Variants in UNC13D observed in about 807,000 individuals in gnomAD.
UNC13D encodes unc-13 homolog D, also known as protein unc-13 homolog D.
A neutral mutation model predicts 151.7 loss-of-function variants in UNC13D; 115 were observed. That is an observed-to-expected ratio of 0.76 (90% CI 0.65 to 0.88). The LOEUF (loss-of-function observed/expected upper bound fraction) is 0.88. UNC13D is among the 40% of genes least tolerant of loss of function. UNC13D has a pLI of 0.00. For synonymous variants in UNC13D, 588 were observed against 612.2 expected, an observed-to-expected ratio of 0.96 and a Z score of 0.58; for missense variants, 1,369 against 1,438.7, an observed-to-expected ratio of 0.95 and a Z score of 0.78.
rs2064884081 is a variant in UNC13D, at chr17:75,833,192, C to A, written c.2368-147G>T. 2.9e-6 allele frequency: 2 copies of A among 701,086 alleles called. No individual in the cohort carries two copies. The highest frequency in any genetic ancestry group is 2.2e-5 in the Admixed American group (1 of 45,000). 43.4% of individuals were successfully genotyped at this position (701,086 alleles called of 1,614,324 possible). ...TGTCTGTAAGAGGCCGGCCTGCCCA[C>A]CTCTCTGCCTTCCCCTCTCCGTTGC... On this transcript the variant is annotated intron_variant, in intron 24 of 31. Coordinates refer to ENST00000207549, the MANE Select transcript of UNC13D (RefSeq NM_199242.3). This position sits in a 1 kb window ranked among gnomAD's most constrained non-coding sequence, Gnocchi z 4.0.
intron 12 of UNC13D, 120 bp from the exon 13 acceptor site, chr17:75,837,038 C>T (rs559656200): frequency 4.8e-6 from 4 of 836,804 alleles, no homozygotes; most frequent in African/African-American, 3.5e-5. Flanking sequence ...AAACTAGTGG[C>T]TCAACAGGAC....
Position 75,833,573 on chromosome 17 carries a change from CTT to C in UNC13D, c.2367+500_2367+501del, listed in dbSNP as rs911254113. On this transcript the variant is annotated intron_variant, in intron 24 of 31. Transcript: ENST00000207549. The surrounding 1 kb of genome is among the most constrained non-coding windows in gnomAD (Gnocchi z 4.0). ...AGTTATGGATACTCACTATGTAGCTCTTTTTTCACCTCCACTACTAGAACGTG... is the reference window on the plus strand; with the variant it reads ...AGTTATGGATACTCACTATGTAGCTCTTTTCACCTCCACTACTAGAACGTG... Among the ~76,000 whole-genome samples the C allele has an allele frequency of 5.9e-5, 9 of 152,154 alleles. No homozygotes were observed. The highest frequency in any genetic ancestry group is 1.7e-4 in the African/African-American group (7 of 41,438).
At position 75,836,958 on chromosome 17, in the gene UNC13D, G is replaced by A. The variant is rs754182859; in HGVS notation, c.1056-40C>T. The A allele has an allele frequency of 4.4e-6, 7 of 1,586,264 alleles. No homozygotes were observed. The South Asian group carries it at 6.6e-5, about 15-fold the overall frequency. On this transcript the variant is annotated intron_variant, in intron 12 of 31. Transcript: ENST00000207549. ...AAGCCCTCAGCTGGACAGGGAGGAG[G>A]AAATTGCCTTCCCCTGTTCACCCGG...
chr17:75,841,185 C>T (rs1184735792), intron 6 of UNC13D, 184 bp from the exon 7 acceptor site: 12 of 621,748 alleles, frequency 1.9e-5, no homozygotes, highest in African/African-American at 3.9e-5. Flanking sequence ...TTCTGTCCCC[C>T]AGGCTGGAGG....
At position 75,828,788 on chromosome 17, in the gene UNC13D, G is replaced by A. The variant is rs764279026; in HGVS notation, c.3150C>T (p.Asn1050=). The change falls in exon 31 of 32, where the codon AAC becomes AAT. Residue 1050 remains asparagine, a splice_region_variant and synonymous_variant. Transcript: ENST00000207549. ...ACCCTGCCCTGGGCTCAGGCCTACC[G>A]TTGGGTGCGGGGTACGTGAGGGGCA... The part of the protein sequence containing the change: ...TRLPLTYPAP[N]GDPILQLLEG... 5.7e-5 allele frequency: 88 copies of A among 1,538,058 alleles called. No homozygotes were observed. In the South Asian group the frequency reaches 7.9e-4, roughly 14 times the overall value.
At chr17:75,834,833 CT>C in intron 21 of UNC13D, 86 bp downstream of exon 21, 1 of 1,611,392 alleles carries the variant, frequency 6.2e-7, no homozygotes. Flanking sequence ...CCTTGGGAGG[CT>C]GCCTGGGTGA....
chr17:75,828,664 T>C (rs2062140285), intron 31 of UNC13D, 123 bp downstream of exon 31: 2 of 1,116,454 alleles, frequency 1.8e-6, no homozygotes, highest in East Asian at 5.5e-5. Context: ...GGGCCGTGGC[T>C]GTCCCACTGG....
intron 20 of UNC13D, 71 bp downstream of exon 20, chr17:75,835,337 TG>T: frequency 2.5e-6 from 4 of 1,578,458 alleles, no homozygotes; most frequent in Non-Finnish European, 3.4e-6. Context: ...TACTACGCTT[TG>T]GAGGTCCAGG....
Position 75,830,135 on chromosome 17 carries a change from A to G in UNC13D, c.2847T>C (p.Phe949=). The G allele has an allele frequency of 3.1e-6, 5 of 1,590,112 alleles. No homozygotes were observed. Among genetic ancestry groups the G allele is most frequent in the Non-Finnish European group, 4.3e-6 (5 of 1,168,724 alleles). The change falls in exon 30 of 32, where the codon TTT becomes TTC. Residue 949 remains phenylalanine (F), a synonymous_variant. Coordinates refer to ENST00000207549, the MANE Select transcript of UNC13D (RefSeq NM_199242.3). ...GCCTGGGCTCCAAGGTCAGCTGGAC[A>G]AAGGGGTCGCTGGAGCCTGGTAAGT... ...PLDSNGSSDP[F]VQLTLEPRHE...
In UNC13D at chr17:75,827,367, C is replaced by G. The variant is rs892617829; in HGVS notation, c.*598G>C. 11 of 1,295,174 alleles carry G rather than the reference C, an allele frequency of 8.5e-6. No individual in the cohort carries two copies. The highest frequency in any genetic ancestry group is 1.1e-5 in the Non-Finnish European group (11 of 988,212). The allele number at this position is 1,295,174 out of a possible 1,614,324, so 80.2% of individuals were successfully genotyped here. On this transcript the variant is annotated 3_prime_UTR_variant, in exon 32 of 32. Transcript: ENST00000207549. ...CTGCTTCCGTCTGTCTGTGCCAGCC[C>G]TGCCGCCTGCCAGCTCTTGCTCCCT... is the stretch of plus-strand genomic sequence containing the variant.
Position 75,830,128 on chromosome 17 carries a change from G to A in UNC13D, c.2854C>T (p.Leu952=). ...SNGSSDPFVQ[L]TLEPRHEFPE... ...AACTCATGCCTGGGCTCCAAGGTCA[G>A]CTGGACAAAGGGGTCGCTGGAGCCT... Residue 952 remains leucine, a synonymous_variant, in exon 30 of 32, where the codon CTG becomes TTG. Coordinates refer to ENST00000207549, the MANE Select transcript of UNC13D (RefSeq NM_199242.3). 6.3e-7 allele frequency: 1 copy of A among 1,589,586 alleles called. No homozygotes were observed.
At position 75,828,858 on chromosome 17, in the gene UNC13D, C is replaced by A. The variant is rs768608291; in HGVS notation, c.3080G>T (p.Gly1027Val). 4 of 1,594,458 alleles carry A rather than the reference C, an allele frequency of 2.5e-6. No individual in the cohort carries two copies. The South Asian group carries it at 4.5e-5, about 18-fold the overall frequency. The change falls in exon 31 of 32, where the codon GGG becomes GTG. Residue 1027 changes from glycine to valine, a missense_variant. Physicochemically the swap from Gly to Val is moderately radical, Grantham distance 109. This residue lies in a region of UNC13D where 807 missense variants were observed against 795.5 expected (regional missense o/e 1.01). Transcript: ENST00000207549. Reference protein sequence around the residue: ...EAFLPLREVPGLSGSEEPGEV... With the variant: ...EAFLPLREVPVLSGSEEPGEV... ...ACCAGGCTCCTCAGAGCCACTCAGC[C>A]CGGGCACCTCACGCAGCGGCAGGAA...
Position 75,828,834 on chromosome 17 carries a change from C to T in UNC13D, c.3104G>A (p.Gly1035Asp). ...VPGLSGSEEP[G>D]EVPQTRLPLT... is the part of the protein sequence containing the mutation. ...GGGCAGGCGGGTCTGAGGCACCTCA[C>T]CAGGCTCCTCAGAGCCACTCAGCCC... Residue 1035 changes from glycine to aspartate, a missense_variant, in exon 31 of 32, where the codon GGT becomes GAT. Around this residue, in one of 3 missense-constraint regions of UNC13D, gnomAD observed 807 missense variants for 795.5 expected, o/e 1.01. Coordinates refer to ENST00000207549, the MANE Select transcript of UNC13D (RefSeq NM_199242.3). The T allele has an allele frequency of 5.7e-6, 9 of 1,572,662 alleles. No homozygotes were observed. The highest frequency in any genetic ancestry group is 7.7e-6 in the Non-Finnish European group (9 of 1,161,574).
intron 23 of UNC13D, 51 bp from the exon 24 acceptor site, chr17:75,834,194 T>C (rs755281804): frequency 1.2e-6 from 2 of 1,609,226 alleles, no homozygotes; most frequent in South Asian, 2.2e-5. Flanking sequence ...GAGTCGGGGA[T>C]GGAAGAGTTC....
Position 75,832,966 on chromosome 17 carries a change from C to G in UNC13D, c.2447G>C (p.Ser816Thr), listed in dbSNP as rs765060515. Residue 816 changes from serine to threonine, a missense_variant and splice_region_variant, in exon 25 of 32, where the codon AGC becomes ACC. By Grantham distance (58) the Ser-to-Thr change is moderately conservative. Transcript: ENST00000207549. The surrounding 1 kb of genome is among the most constrained non-coding windows in gnomAD (Gnocchi z 4.3). ...GCCCAGGGCAGGGGCTGCTACAGACCTGCTGAAGTTCTCCTGCACCAAGTT... is the reference window on the plus strand; with the variant it reads ...GCCCAGGGCAGGGGCTGCTACAGACGTGCTGAAGTTCTCCTGCACCAAGTT... ...NTNLVQENFS[S>T]LLTLLWTHTL... 1.3e-6 allele frequency: 2 copies of G among 1,580,528 alleles called. No homozygotes were observed. The highest frequency in any genetic ancestry group is 2.3e-5 in the South Asian group (2 of 86,154).
At chr17:75,831,398 G>C in intron 25 of UNC13D, 50 bp from the exon 26 acceptor site, 1 of 1,548,904 alleles carries the variant, frequency 6.5e-7, no homozygotes, top group Non-Finnish European at 8.8e-7. Context: ...GGCGGTGGCG[G>C]AGGAGGAAGC....
chr17:75,830,069 G>C lies in UNC13D; in HGVS notation c.2913C>G (p.His971Gln). The C allele has an allele frequency of 5.1e-6, 8 of 1,577,728 alleles. No homozygotes were observed. The highest frequency in any genetic ancestry group is 6.9e-6 in the Non-Finnish European group (8 of 1,161,506). Residue 971 changes from histidine (H) to glutamine (Q), a missense_variant, in exon 30 of 32, where the codon CAC becomes CAG. This residue lies in a region of UNC13D where 807 missense variants were observed against 795.5 expected (regional missense o/e 1.01). Transcript: ENST00000207549. ...CAAACAATGGGTGAAGGTCCTTCTT[G>C]TGCTTCTGGGTCTCCCGGGCGGCCA... ...PELAARETQK[H>Q]KKDLHPLFDE...
At chr17:75,828,146 C>T in intron 31 of UNC13D, 60 bp from the exon 32 acceptor site, 2 of 1,547,268 alleles carry the variant, frequency 1.3e-6, no homozygotes, top group Non-Finnish European at 1.7e-6. Flanking sequence ...CTGGTGGTGG[C>T]AGAGAAGAGT....
Position 75,840,782 on chromosome 17 carries a change from C to G in UNC13D, c.663G>C (p.Thr221=), listed in dbSNP as rs771266801. The G allele has an allele frequency of 6.2e-7, 1 of 1,613,990 alleles. No homozygotes were observed. ...ESVRQKLGEL[T]DLHGLRRIFK... ...CGAACCTGCGAAGCCCATGCAGATC[C>G]GTGAGCTCCCCAAGCTTCTGTCGGA... Residue 221 remains threonine (T), a synonymous_variant, in exon 8 of 32, where the codon ACG becomes ACC. Transcript: ENST00000207549. This position sits in a 1 kb window ranked among gnomAD's most constrained non-coding sequence, Gnocchi z 4.6.
Sources: allele counts gnomAD v4.1 joint callset (sites outside exome capture counted in the v4.1 genomes callset), GRCh38; gene constraint gnomAD v4.1.1; regional missense constraint gnomAD v4.1.1; non-coding constraint Gnocchi (gnomAD v3.1); transcripts MANE v1.5; gene names NCBI Gene and HGNC (gene_info 2026-07-23, HGNC 2026-07-21).